Variants in ERC1 observed in about 807,000 individuals in gnomAD.
ERC1 encodes ELKS/RAB6-interacting/CAST family member 1.
In ERC1, 56 loss-of-function variants were observed where a neutral mutation model predicts 132.0. That is an observed-to-expected ratio of 0.42 (90% CI 0.34 to 0.53). The LOEUF (loss-of-function observed/expected upper bound fraction) is 0.53. Ranked by LOEUF, ERC1 falls within the 20% of genes least tolerant of loss-of-function variation. ERC1 has a pLI of 0.03. For synonymous variants in ERC1, 478 were observed against 476.1 expected, an observed-to-expected ratio of 1.00 and a Z score of -0.05; for missense variants, 1,202 against 1,349.9, an observed-to-expected ratio of 0.89 and a Z score of 1.72.
chr12:1,255,398 A>G (rs867708587), intron 13 of ERC1, among the ~76,000 whole-genome samples: 3 of 152,138 alleles, frequency 2.0e-5, no homozygotes, highest in East Asian at 1.9e-4. Flanking sequence ...CCGTGCCACA[A>G]TAAACATTCG....
At chr12:1,471,721 C>T (rs2093866095) in intron 18 of ERC1, among the ~76,000 whole-genome samples, 1 of 152,176 alleles carries the variant, frequency 6.6e-6, no homozygotes, top group Non-Finnish European at 1.5e-5. Flanking sequence ...TTGACTCTAA[C>T]CTTGCAAAGA....
At chr12:1,189,094 A>G (rs1280245468) in intron 11 of ERC1, among the ~76,000 whole-genome samples, 1 of 152,094 alleles carries the variant, frequency 6.6e-6, no homozygotes, top group African/African-American at 2.4e-5. Flanking sequence ...TTTTTTTCCA[A>G]TAGAGATGGG....
rs185321419 is a variant in ERC1, at chr12:1,021,936, T to G, written c.-156-5812T>G. The stretch of plus-strand genomic sequence containing the variant: ...CAGTATCCATGAAATGGTCATAGGC[T>G]AATGTATTAACCTGTAAGTAGGGTT... On this transcript the variant is annotated intron_variant, in intron 1 of 18. Coordinates refer to ENST00000360905, the MANE Select transcript of ERC1 (RefSeq NM_178040.4). 1.0e-3 allele frequency among the ~76,000 whole-genome samples: 159 copies of G among 152,372 alleles called. 4 individuals are homozygous for G. Among genetic ancestry groups the G allele is most frequent in the Admixed American group, 9.7e-3 (149 of 15,308 alleles).
intron 2 of ERC1, among the ~76,000 whole-genome samples, chr12:1,039,347 A>G (rs188681407): frequency 6.7e-6 from 1 of 149,524 alleles, no homozygotes; most frequent in East Asian, 1.9e-4. Context: ...CAAAAAAAAA[A>G]AAAAATAAAA....
At chr12:1,343,467 C>T (rs372909583) in intron 15 of ERC1, among the ~76,000 whole-genome samples, 5 of 152,162 alleles carry the variant, frequency 3.3e-5, no homozygotes, top group African/African-American at 1.2e-4. Flanking sequence ...CTATGAGCTG[C>T]ACCAGGAATA....
At chr12:1,405,182 T>TAAATAAATAAATAAATAA (rs1566786466) in intron 16 of ERC1, among the ~76,000 whole-genome samples, 30 of 123,134 alleles carry the variant, frequency 2.4e-4, no homozygotes, top group African/African-American at 9.1e-4. Context: ...TAAATAAATA[T>TAAATAAATAAATAAATAA]AAATAAAATA....
At chr12:992,140 T>C (rs966107050) in intron 1 of ERC1, among the ~76,000 whole-genome samples, 1 of 152,128 alleles carries the variant, frequency 6.6e-6, no homozygotes. Flanking sequence ...TACGCTTAGC[T>C]CCTTCAAGGT....
intron 8 of ERC1, among the ~76,000 whole-genome samples, chr12:1,142,398 T>A (rs1949938064): frequency 6.6e-6 from 1 of 152,248 alleles, no homozygotes; most frequent in Non-Finnish European, 1.5e-5. Flanking sequence ...TTAATTTTGC[T>A]AAAAATTTCT....
chr12:1,132,264 T>A (rs1948837335), intron 7 of ERC1, among the ~76,000 whole-genome samples: 1 of 152,122 alleles, frequency 6.6e-6, no homozygotes, highest in Non-Finnish European at 1.5e-5. Context: ...GTGATGTGAA[T>A]TGAATACTTA....
Position 1,263,068 on chromosome 12 carries a change from A to AGCTGGAAGAAGCACTAAGAGAAAGTG in ERC1, c.2523_2548dup (p.Val850GlyfsTer6). ...CGTAAGAAGGATGACAGGATTGAAG[A>AGCTGGAAGAAGCACTAAGAGAAAGTG]GCTGGAAGAAGCACTAAGAGAAAGT... On this transcript the variant is annotated frameshift_variant, in exon 14 of 19. Coordinates refer to ENST00000360905, the MANE Select transcript of ERC1 (RefSeq NM_178040.4). LOFTEE classifies it high-confidence loss of function. 6.2e-7 allele frequency: 1 copy of AGCTGGAAGAAGCACTAAGAGAAAGTG among 1,614,076 alleles called. No individual in the cohort carries two copies. Among genetic ancestry groups the AGCTGGAAGAAGCACTAAGAGAAAGTG allele is most frequent in the Non-Finnish European group, 8.5e-7 (1 of 1,179,950 alleles).
intron 17 of ERC1, among the ~76,000 whole-genome samples, chr12:1,423,040 G>C (rs1242439316): frequency 6.6e-6 from 1 of 152,170 alleles, no homozygotes; most frequent in African/African-American, 2.4e-5. Flanking sequence ...CCAATGCCCT[G>C]AGTTCCTACA....
At chr12:1,057,927 G>A (rs1282695422) in intron 2 of ERC1, among the ~76,000 whole-genome samples, 1 of 152,012 alleles carries the variant, frequency 6.6e-6, no homozygotes, top group Non-Finnish European at 1.5e-5. Flanking sequence ...TCTCAGGTGT[G>A]TAGGATTATT....
intron 2 of ERC1, among the ~76,000 whole-genome samples, chr12:1,034,128 T>C (rs900887100): frequency 3.9e-5 from 6 of 152,196 alleles, no homozygotes; most frequent in African/African-American, 1.4e-4. Context: ...TGTAATGGTG[T>C]ATACTAGTGC....
chr12:1,319,883 TA>T (rs1296542562), intron 15 of ERC1, among the ~76,000 whole-genome samples: 6 of 152,164 alleles, frequency 3.9e-5, no homozygotes, highest in Non-Finnish European at 7.4e-5. Context: ...TGGAATAGCA[TA>T]TAGAATACTT....
chr12:1,286,827 T>G (rs1375562487), intron 14 of ERC1, among the ~76,000 whole-genome samples: 4 of 152,324 alleles, frequency 2.6e-5, no homozygotes, highest in African/African-American at 9.6e-5. Context: ...ATAAATATTA[T>G]TAGGATGTTT....
intron 16 of ERC1, chr12:1,380,506 A>G (rs2088521993): frequency 6.6e-6 from 1 of 152,246 alleles, no homozygotes; most frequent in Admixed American, 6.5e-5. Flanking sequence ...AGTCTTTAGG[A>G]GTGGTTCTCT....
chr12:1,420,375 A>G (rs1030500472), intron 17 of ERC1, among the ~76,000 whole-genome samples: 1 of 152,178 alleles, frequency 6.6e-6, no homozygotes, highest in Non-Finnish European at 1.5e-5. Context: ...TAATTTCCCA[A>G]CATCAATTAA....
chr12:1,317,363 A>C (rs1168932885), intron 15 of ERC1, among the ~76,000 whole-genome samples: 1 of 151,950 alleles, frequency 6.6e-6, no homozygotes. Flanking sequence ...GTGAGAACAC[A>C]TGGACACAGG....
chr12:1,475,175 A>G (rs1449776505), intron 18 of ERC1, among the ~76,000 whole-genome samples: 1 of 152,230 alleles, frequency 6.6e-6, no homozygotes, highest in African/African-American at 2.4e-5. Context: ...TGTATGGTTT[A>G]TGTGCCCTGC....
Sources: allele counts gnomAD v4.1 joint callset (sites outside exome capture counted in the v4.1 genomes callset), GRCh38; gene constraint gnomAD v4.1.1; transcripts MANE v1.5; gene names NCBI Gene and HGNC (gene_info 2026-07-23, HGNC 2026-07-21).